FARP1: variants seen among roughly 807,000 people sequenced by gnomAD.
FARP1 encodes FERM, ARH/RhoGEF and pleckstrin domain protein 1.
Under a neutral mutation model 128.8 loss-of-function variants are expected in FARP1, and 52 were observed. That is an observed-to-expected ratio of 0.40 (90% CI 0.32 to 0.51). The LOEUF (loss-of-function observed/expected upper bound fraction) is 0.51. Ranked by LOEUF, FARP1 falls within the 20% of genes least tolerant of loss-of-function variation. The pLI is 0.45. For synonymous variants in FARP1, 580 were observed against 551.8 expected (o/e 1.05, Z -0.72); for missense variants, 1,333 against 1,367.9 (o/e 0.97, Z 0.40).
intron 1 of FARP1, among the ~76,000 whole-genome samples, chr13:98,149,840 C>G (rs954669063): frequency 2.1e-5 from 3 of 141,930 alleles, no homozygotes; most frequent in Non-Finnish European, 4.5e-5. Context: ...CAGGTTCACA[C>G]CATTCTCCTG....
intron 17 of FARP1, among the ~76,000 whole-genome samples, chr13:98,429,499 AAAG>A (rs1387023534): frequency 6.6e-6 from 1 of 152,234 alleles, no homozygotes; most frequent in African/African-American, 2.4e-5. Context: ...TGACCATGGG[AAAG>A]AAGACAAGGG....
intron 17 of FARP1, among the ~76,000 whole-genome samples, chr13:98,429,567 CAAGGAAAGA>C (rs1228424391): frequency 6.6e-6 from 1 of 152,186 alleles, no homozygotes; most frequent in African/African-American, 2.4e-5. Flanking sequence ...CGGGTTCATA[CAAGGAAAGA>C]ATGTGGAGTG....
intron 2 of FARP1, among the ~76,000 whole-genome samples, chr13:98,247,649 G>C (rs1644422188): frequency 6.6e-6 from 1 of 152,224 alleles, no homozygotes; most frequent in African/African-American, 2.4e-5. Flanking sequence ...ACCTTTCCCA[G>C]AGAAAGTTAG....
intron 1 of FARP1, among the ~76,000 whole-genome samples, chr13:98,147,189 T>TTGAG (rs1566661924): frequency 6.6e-6 from 1 of 152,216 alleles, no homozygotes. Context: ...AGTGGATACT[T>TTGAG]TGAGCAAAAG....
At chr13:98,165,380 G>GT (rs1378221746) in intron 1 of FARP1, among the ~76,000 whole-genome samples, 4 of 152,108 alleles carry the variant, frequency 2.6e-5, no homozygotes, top group Non-Finnish European at 4.4e-5. Flanking sequence ...AAATGTCAGT[G>GT]TTTTGAGGCA....
chr13:98,196,902 G>T (rs1044903269), intron 1 of FARP1, among the ~76,000 whole-genome samples: 1 of 152,008 alleles, frequency 6.6e-6, no homozygotes, highest in African/African-American at 2.4e-5. Flanking sequence ...TTTCACTATT[G>T]TAATTAATCA....
rs76644033 is a variant in FARP1 at position 98,294,050 on chromosome 13, G to A, written c.172-49712G>A. Among the ~76,000 whole-genome samples the A allele has an allele frequency of 1.2e-3, 177 of 152,276 alleles. 4 individuals are homozygous for A. The East Asian group carries it at 0.03, about 26-fold the overall frequency. On this transcript the variant is annotated intron_variant, in intron 2 of 26. Coordinates refer to ENST00000319562, the MANE Select transcript of FARP1 (RefSeq NM_005766.4). ...CCATCTATGAATGGTCTGTGGACTT[G>A]AGCTATTTCCCTGGTATTTGATCAT...
Position 98,390,085 on chromosome 13 carries a change from C to T in FARP1, c.984C>T (p.Pro328=), listed in dbSNP as rs139107368. Residue 328 remains proline (P), a synonymous_variant, in exon 10 of 27, where the codon CCC becomes CCT. Transcript: ENST00000319562. ...LFEEPKPKPK[P]VLFSRGSSFR... The stretch of plus-strand genomic sequence containing the variant: ...AAGAGCCCAAACCAAAGCCCAAGCC[C>T]GTCCTCTTTAGCCGGGGGTCATCAT... 175 of 1,614,166 alleles carry T rather than the reference C, an allele frequency of 1.1e-4. No homozygotes were observed. The highest frequency in any genetic ancestry group is 1.3e-4 in the South Asian group (12 of 91,072).
rs139564175 is a variant in FARP1, at chr13:98,384,968, A to G, written c.611+124A>G. 22 of 647,156 alleles carry G rather than the reference A, an allele frequency of 3.4e-5. No individual in the cohort carries two copies. The East Asian group carries it at 5.4e-4, about 16-fold the overall frequency. 40.1% of individuals were successfully genotyped at this position (647,156 alleles called of 1,614,324 possible). A position where few individuals can be genotyped will look rare whatever the true frequency, so the allele number is the denominator to read the frequency against. ...TGGAGAACAACACAAAGCGTGAGGA[A>G]AGAAGATCACAGAGGCTCATTGGGA... On this transcript the variant is annotated intron_variant, in intron 7 of 26. Transcript: ENST00000319562.
chr13:98,248,041 A>G (rs555965499), intron 2 of FARP1, among the ~76,000 whole-genome samples: 80 of 152,242 alleles, frequency 5.3e-4, no homozygotes, highest in African/African-American at 1.9e-3. Context: ...ATGAACAAAA[A>G]CCTTCGCAGC....
At chr13:98,414,130 C>T (rs904055102) in intron 16 of FARP1, among the ~76,000 whole-genome samples, 1 of 152,146 alleles carries the variant, frequency 6.6e-6, no homozygotes, top group African/African-American at 2.4e-5. Flanking sequence ...TAAATCTTTA[C>T]CTTATCTGTG....
chr13:98,161,913 G>T (rs1209808742), intron 1 of FARP1, among the ~76,000 whole-genome samples: 1 of 152,052 alleles, frequency 6.6e-6, no homozygotes, highest in East Asian at 1.9e-4. Flanking sequence ...TTAAGTAGCT[G>T]GGACTACAGA....
chr13:98,172,082 A>G (rs1261569332), intron 1 of FARP1, among the ~76,000 whole-genome samples: 5 of 152,114 alleles, frequency 3.3e-5, no homozygotes, highest in Non-Finnish European at 7.4e-5. Flanking sequence ...CCGATAATGC[A>G]GGGCCATGGA....
intron 1 of FARP1, among the ~76,000 whole-genome samples, chr13:98,155,223 G>A (rs1429447112): frequency 6.6e-6 from 1 of 151,786 alleles, no homozygotes; most frequent in South Asian, 2.1e-4. Context: ...GCACATGCCT[G>A]TAATCCCAGC....
chr13:98,286,446 A>T (rs1566834271), intron 2 of FARP1, among the ~76,000 whole-genome samples: 1 of 152,152 alleles, frequency 6.6e-6, no homozygotes, highest in Non-Finnish European at 1.5e-5. Context: ...GGTCTCTCCC[A>T]TACTGTTCTC....
chr13:98,439,417 G>A (rs1892430934), intron 21 of FARP1, among the ~76,000 whole-genome samples: 1 of 151,760 alleles, frequency 6.6e-6, no homozygotes, highest in South Asian at 2.1e-4. Flanking sequence ...GGGCTCTGGG[G>A]ACACGGCTCC....
At chr13:98,346,976 A>T (rs1273021621) in intron 3 of FARP1, among the ~76,000 whole-genome samples, 1 of 152,232 alleles carries the variant, frequency 6.6e-6, no homozygotes, top group Non-Finnish European at 1.5e-5. Flanking sequence ...TGAAAGTTCC[A>T]AAATGCAATG....
intron 17 of FARP1, 124 bp from the exon 18 acceptor site, chr13:98,430,919 G>T: frequency 1.5e-6 from 1 of 669,998 alleles, no homozygotes; most frequent in Non-Finnish European, 2.7e-6. Context: ...TGAAATTTAA[G>T]GAAATTAAAC....
At chr13:98,436,762 G>A (rs1892286677) in intron 19 of FARP1, among the ~76,000 whole-genome samples, 1 of 152,224 alleles carries the variant, frequency 6.6e-6, no homozygotes, top group Non-Finnish European at 1.5e-5. Flanking sequence ...ACAAGATCCT[G>A]CCAGGCCTCG....
Sources: allele counts gnomAD v4.1 joint callset (sites outside exome capture counted in the v4.1 genomes callset), GRCh38; gene constraint gnomAD v4.1.1; transcripts MANE v1.5; gene names NCBI Gene and HGNC (gene_info 2026-07-23, HGNC 2026-07-21).